EPHA3: variants seen among roughly 807,000 people sequenced by gnomAD.
EPHA3 encodes the protein EPH receptor A3, also known as ephrin type-A receptor 3.
EPHA3 carries 42 observed loss-of-function variants against 107.1 expected under a neutral mutation model. The observed-to-expected ratio is 0.39, with a 90% CI of 0.31 to 0.51. The LOEUF (loss-of-function observed/expected upper bound fraction) is 0.51, where lower values mean the gene tolerates loss of function less well. EPHA3 is among the 20% of genes least tolerant of loss of function. EPHA3 has a pLI of 0.78. For missense variants in EPHA3, 1,183 were observed against 1,211.2 expected, an observed-to-expected ratio of 0.98 and a Z score of 0.35; for synonymous variants, 461 against 424.8, an observed-to-expected ratio of 1.09 and a Z score of -1.05.
intron 13 of EPHA3, among the ~76,000 whole-genome samples, chr3:89,446,085 C>T (rs1313917452): frequency 9.9e-5 from 15 of 151,976 alleles, no homozygotes; most frequent in Admixed American, 8.5e-4. Context: ...TACATTTTTC[C>T]AAACATGCAT....
intron 3 of EPHA3, among the ~76,000 whole-genome samples, chr3:89,305,097 C>T (rs747482994): frequency 3.9e-4 from 59 of 152,290 alleles, no homozygotes; most frequent in African/African-American, 7.7e-4. Context: ...ATATCTCCTG[C>T]ATTCGGAATT....
At chr3:89,426,272 C>G (rs1236354701) in intron 11 of EPHA3, among the ~76,000 whole-genome samples, 1 of 151,700 alleles carries the variant, frequency 6.6e-6, no homozygotes, top group Non-Finnish European at 1.5e-5. Flanking sequence ...TAATTTCCCA[C>G]CACATTTAAT....
chr3:89,365,639 A>G (rs1708171693), intron 5 of EPHA3, among the ~76,000 whole-genome samples: 1 of 150,540 alleles, frequency 6.6e-6, no homozygotes, highest in South Asian at 2.1e-4. Flanking sequence ...AACACCAAGA[A>G]ATTGTGTTCA....
chr3:89,320,846 A>C (rs1707025867), intron 3 of EPHA3, among the ~76,000 whole-genome samples: 3 of 152,058 alleles, frequency 2.0e-5, no homozygotes, highest in Admixed American at 1.3e-4. Flanking sequence ...GTAATGATCT[A>C]TCTCTCTCAG....
intron 2 of EPHA3, among the ~76,000 whole-genome samples, chr3:89,141,270 G>T (rs567881954): frequency 6.6e-6 from 1 of 151,520 alleles, no homozygotes; most frequent in East Asian, 1.9e-4. Flanking sequence ...CTGGGAATTA[G>T]GATGTTTACT....
chr3:89,452,512 A>G (rs55977101), intron 15 of EPHA3, among the ~76,000 whole-genome samples: 3,888 of 152,254 alleles, frequency 0.026, 169 homozygotes, highest in African/African-American at 0.089. Context: ...AAAAATGTCT[A>G]TTCAGGTCCT....
chr3:89,127,860 A>G (rs911112299), intron 2 of EPHA3, among the ~76,000 whole-genome samples: 21 of 152,234 alleles, frequency 1.4e-4, no homozygotes, highest in Admixed American at 5.9e-4. Context: ...ATCAATCCAG[A>G]TACAAATTAC....
intron 2 of EPHA3, among the ~76,000 whole-genome samples, chr3:89,153,735 C>T (rs1704736103): frequency 6.6e-6 from 1 of 152,088 alleles, no homozygotes; most frequent in African/African-American, 2.4e-5. Context: ...ATTATAGTTA[C>T]ACTCTGTGTT....
intron 5 of EPHA3, among the ~76,000 whole-genome samples, chr3:89,381,932 T>C (rs531677409): frequency 1.2e-3 from 181 of 152,290 alleles, no homozygotes; most frequent in Non-Finnish European, 1.7e-3. Context: ...CCATTGTTTA[T>C]AAGCTGTTCA....
chr3:89,126,369 G>A (rs1424335848), intron 1 of EPHA3, among the ~76,000 whole-genome samples: 1 of 151,622 alleles, frequency 6.6e-6, no homozygotes, highest in East Asian at 1.9e-4. Context: ...TTGAAATGCT[G>A]TTGTATATTT....
At chr3:89,257,375 T>C (rs965949119) in intron 3 of EPHA3, among the ~76,000 whole-genome samples, 3 of 152,140 alleles carry the variant, frequency 2.0e-5, no homozygotes, top group African/African-American at 7.2e-5. Context: ...TCCTAACTCC[T>C]CTCCTTGCTT....
At chr3:89,196,806 A>G (rs1365669398) in intron 2 of EPHA3, among the ~76,000 whole-genome samples, 1 of 152,138 alleles carries the variant, frequency 6.6e-6, no homozygotes, top group Non-Finnish European at 1.5e-5. Flanking sequence ...GGCAACTTTC[A>G]ATAGCATAAA....
chr3:89,387,558 C>G (rs1708645745), intron 5 of EPHA3, among the ~76,000 whole-genome samples: 1 of 152,110 alleles, frequency 6.6e-6, no homozygotes, highest in Non-Finnish European at 1.5e-5. Flanking sequence ...ACTGATATAA[C>G]CTCTTTCACA....
At chr3:89,379,912 G>A (rs531255441) in intron 5 of EPHA3, among the ~76,000 whole-genome samples, 3 of 152,160 alleles carry the variant, frequency 2.0e-5, no homozygotes, top group Admixed American at 6.5e-5. Flanking sequence ...TGTTATGGGA[G>A]GTCTGGGATT....
chr3:89,425,549 G>A (rs1253524489), intron 11 of EPHA3, among the ~76,000 whole-genome samples: 2 of 150,978 alleles, frequency 1.3e-5, no homozygotes, highest in Non-Finnish European at 1.5e-5. Context: ...CCCAATGACT[G>A]TTGTTAATAG....
At chr3:89,172,784 A>G (rs1705237845) in intron 2 of EPHA3, among the ~76,000 whole-genome samples, 1 of 152,334 alleles carries the variant, frequency 6.6e-6, no homozygotes. Context: ...GACATCAATT[A>G]CAGTGTAATT....
chr3:89,286,123 T>TGTGC (rs1308538616), intron 3 of EPHA3, among the ~76,000 whole-genome samples: 1 of 129,612 alleles, frequency 7.7e-6, no homozygotes, highest in East Asian at 2.0e-4. Context: ...TTTCTACGTG[T>TGTGC]GTGTGTGTGT....
chr3:89,390,354 T>A (rs890792525), intron 5 of EPHA3, among the ~76,000 whole-genome samples: 1 of 152,090 alleles, frequency 6.6e-6, no homozygotes, highest in Non-Finnish European at 1.5e-5. Flanking sequence ...ATGCTAGCAC[T>A]TTGGGAGGCC....
intron 5 of EPHA3, 76 bp downstream of exon 5, chr3:89,342,166 G>A: frequency 1.5e-6 from 2 of 1,353,104 alleles, no homozygotes; most frequent in South Asian, 1.5e-5. Context: ...GTGGAAAACT[G>A]GGCGGAAGGA....
Sources: allele counts gnomAD v4.1 joint callset (sites outside exome capture counted in the v4.1 genomes callset), GRCh38; gene constraint gnomAD v4.1.1; transcripts MANE v1.5; gene names NCBI Gene and HGNC (gene_info 2026-07-23, HGNC 2026-07-21).